The following EYS variants were observed in gnomAD, a reference collection of about 807,000 sequenced individuals.
The protein encoded by EYS is EGF-like photoreceptor maintenance factor.
Under a neutral mutation model 282.1 loss-of-function variants are expected in EYS, and 250 were observed. That is an observed-to-expected ratio of 0.89 (90% CI 0.80 to 0.98). The LOEUF is 0.98. EYS is among the 50% of genes least tolerant of loss of function. The pLI, the probability that EYS is intolerant of heterozygous loss-of-function variation, is 0.00. For synonymous variants in EYS, 1,355 were observed against 1,282.9 expected, an observed-to-expected ratio of 1.06 and a Z score of -1.20; for missense variants, 4,016 against 3,709.0, an observed-to-expected ratio of 1.08 and a Z score of -2.15.
intron 26 of EYS, among the ~76,000 whole-genome samples, chr6:64,460,552 T>G (rs1488058322): frequency 6.6e-6 from 1 of 152,222 alleles, no homozygotes; most frequent in East Asian, 1.9e-4. Context: ...CTTAAAAAAG[T>G]GAACAATTCT....
chr6:64,241,959 T>C (rs1766848709), intron 30 of EYS, among the ~76,000 whole-genome samples: 1 of 152,128 alleles, frequency 6.6e-6, no homozygotes, highest in Non-Finnish European at 1.5e-5. Context: ...TCGGTTTCTA[T>C]GTAGTTGTGT....
chr6:64,137,549 G>C (rs1478411363), intron 31 of EYS, among the ~76,000 whole-genome samples: 1 of 151,864 alleles, frequency 6.6e-6, no homozygotes, highest in African/African-American at 2.4e-5. Context: ...CATAATAATA[G>C]GGTTATTATT....
At chr6:63,794,871 C>T (rs1195832069) in intron 37 of EYS, among the ~76,000 whole-genome samples, 2 of 151,982 alleles carry the variant, frequency 1.3e-5, no homozygotes, top group African/African-American at 4.8e-5. Context: ...TGAAATCAGC[C>T]CTAGGAAGAT....
At chr6:64,522,938 A>T (rs900689243) in intron 26 of EYS, among the ~76,000 whole-genome samples, 2 of 151,774 alleles carry the variant, frequency 1.3e-5, no homozygotes, top group African/African-American at 4.8e-5. Flanking sequence ...CTGGATGATT[A>T]ATTACATATT....
At chr6:64,835,632 A>C (rs1231838920) in intron 19 of EYS, among the ~76,000 whole-genome samples, 1 of 151,678 alleles carries the variant, frequency 6.6e-6, no homozygotes, top group Non-Finnish European at 1.5e-5. Context: ...TTTACATAGC[A>C]AACATAGCCA....
chr6:64,058,537 T>C (rs1168398346), intron 33 of EYS, among the ~76,000 whole-genome samples: 2 of 152,180 alleles, frequency 1.3e-5, no homozygotes, highest in African/African-American at 2.4e-5. Flanking sequence ...AAATGTATTG[T>C]TAAATCACCA....
intron 31 of EYS, among the ~76,000 whole-genome samples, chr6:64,108,462 C>A (rs934260534): frequency 1.4e-5 from 2 of 148,144 alleles, no homozygotes; most frequent in Non-Finnish European, 3.0e-5. Flanking sequence ...ATGGTGACTT[C>A]CAAGCTCCTT....
chr6:65,701,855 T>G (rs1368475418), intron 1 of EYS, among the ~76,000 whole-genome samples: 2 of 152,194 alleles, frequency 1.3e-5, no homozygotes, highest in African/African-American at 4.8e-5. Flanking sequence ...CAGGAAGCTT[T>G]GTAATATCAC....
chr6:65,173,045 T>C (rs559006247), intron 12 of EYS, among the ~76,000 whole-genome samples: 2 of 151,358 alleles, frequency 1.3e-5, no homozygotes, highest in East Asian at 3.9e-4. Context: ...TTCTCTACTT[T>C]AGAATGTACA....
intron 13 of EYS, among the ~76,000 whole-genome samples, chr6:65,002,024 T>C (rs1419256917): frequency 7.3e-6 from 1 of 136,882 alleles, no homozygotes. Context: ...AAATCATATA[T>C]TAAAATATTT....
intron 30 of EYS, among the ~76,000 whole-genome samples, chr6:64,251,022 C>T (rs1767194271): frequency 1.3e-5 from 2 of 152,140 alleles, no homozygotes; most frequent in Non-Finnish European, 2.9e-5. Context: ...AAGCAACACT[C>T]TTTATCTCAC....
intron 14 of EYS, among the ~76,000 whole-genome samples, chr6:64,988,206 C>T (rs1340869582): frequency 2.6e-5 from 4 of 151,268 alleles, no homozygotes; most frequent in Non-Finnish European, 1.5e-5. Context: ...TTCACTTGGA[C>T]TTAGCCAGAT....
At chr6:64,201,156 G>T (rs954906040) in intron 31 of EYS, among the ~76,000 whole-genome samples, 3 of 152,096 alleles carry the variant, frequency 2.0e-5, no homozygotes, top group African/African-American at 4.8e-5. Flanking sequence ...TAACTTCACA[G>T]AATTATCCAT....
intron 41 of EYS, among the ~76,000 whole-genome samples, chr6:63,733,970 C>T (rs2149636716): frequency 6.6e-6 from 1 of 152,118 alleles, no homozygotes; most frequent in Non-Finnish European, 1.5e-5. Context: ...CAAAAACAGC[C>T]AGTACCTTTA....
At chr6:63,937,399 G>A (rs1581998860) in intron 35 of EYS, among the ~76,000 whole-genome samples, 1 of 31,882 alleles carries the variant, frequency 3.1e-5, no homozygotes, top group South Asian at 1.0e-3. Context: ...TTTTTTTTTT[G>A]AGACGGAGTC....
At chr6:65,476,175 C>A (rs1344652434) in intron 5 of EYS, among the ~76,000 whole-genome samples, 1 of 152,158 alleles carries the variant, frequency 6.6e-6, no homozygotes, top group Admixed American at 6.6e-5. Context: ...TTCTAAACAC[C>A]AAATGGTGGC....
rs114137735 is a variant in EYS, at chr6:64,703,587, C to T, written c.3444-77342G>A. Among the ~76,000 whole-genome samples, 1,057 of 151,362 alleles carry T rather than the reference C, an allele frequency of 7.0e-3. 12 individuals are homozygous for T. The highest frequency in any genetic ancestry group is 0.024 in the African/African-American group (992 of 41,272). ...AGCTGGGACTACAGGTGTGCACCAC[C>T]ATGCCAGGCTAATTTCCCAGGACAA... On this transcript the variant is annotated intron_variant, in intron 22 of 42. Transcript: ENST00000503581.
At chr6:64,928,728 A>C (rs1160422923) in intron 15 of EYS, among the ~76,000 whole-genome samples, 1 of 152,128 alleles carries the variant, frequency 6.6e-6, no homozygotes, top group African/African-American at 2.4e-5. Flanking sequence ...TTTTAATTTT[A>C]GTTTATTTTT....
intron 22 of EYS, among the ~76,000 whole-genome samples, chr6:64,797,928 C>T (rs997174045): frequency 6.6e-6 from 1 of 151,716 alleles, no homozygotes; most frequent in Non-Finnish European, 1.5e-5. Context: ...CCTGCTTGCT[C>T]CAATTATTAG....
Sources: gnomAD v4.1 joint callset for allele counts (sites outside exome capture counted in the v4.1 genomes callset) on GRCh38, gnomAD v4.1.1 for gene constraint, MANE v1.5 for transcripts, NCBI Gene and HGNC (gene_info 2026-07-23, HGNC 2026-07-21) for gene names.